The following DAB1 variants were observed in gnomAD, a reference collection of about 807,000 sequenced individuals.
DAB1 encodes DAB adaptor protein 1.
In DAB1, 15 loss-of-function variants were observed where a neutral mutation model predicts 64.6. The ratio of observed to expected loss-of-function variants is 0.23; its 90% CI spans 0.16 to 0.36. DAB1 has a LOEUF of 0.36. Among genes scored for constraint, DAB1 ranks in the 10% least tolerant of loss-of-function variants. The pLI is 1.00. For missense variants in DAB1, 596 were observed against 706.7 expected, an observed-to-expected ratio of 0.84 and a Z score of 1.78; for synonymous variants, 235 against 251.9, an observed-to-expected ratio of 0.93 and a Z score of 0.64.
intron 5 of DAB1, among the ~76,000 whole-genome samples, chr1:57,917,091 G>A (rs753837769): frequency 6.6e-6 from 1 of 152,142 alleles, no homozygotes; most frequent in Non-Finnish European, 1.5e-5. Flanking sequence ...GTTGTACCTA[G>A]AAGGAATGGC....
chr1:58,235,130 T>A (rs1470592601), intron 4 of DAB1, among the ~76,000 whole-genome samples: 1 of 152,228 alleles, frequency 6.6e-6, no homozygotes, highest in African/African-American at 2.4e-5. Context: ...GTTAGGTAGC[T>A]CATTAGAAAT....
intron 6 of DAB1, among the ~76,000 whole-genome samples, chr1:57,666,776 G>T (rs1176857765): frequency 6.6e-6 from 1 of 151,624 alleles, no homozygotes; most frequent in Admixed American, 6.6e-5. Context: ...AGCGTGCTTA[G>T]CAGTTTCCTG....
chr1:58,272,515 G>A (rs12099411), intron 4 of DAB1, among the ~76,000 whole-genome samples: 77,731 of 118,216 alleles, frequency 0.66, 26,796 homozygotes, highest in East Asian at 0.86. Context: ...ATTTGGGGTG[G>A]AGAGTTCTGT....
chr1:57,192,884 T>C (rs941793175), intron 2 of DAB1, among the ~76,000 whole-genome samples: 5 of 152,200 alleles, frequency 3.3e-5, no homozygotes, highest in African/African-American at 9.7e-5. Context: ...ACAACCACCA[T>C]TGCAATCTAA....
At chr1:58,164,639 GAT>G (rs1288109460) in intron 4 of DAB1, among the ~76,000 whole-genome samples, 1 of 152,306 alleles carries the variant, frequency 6.6e-6, no homozygotes, top group East Asian at 1.9e-4. Flanking sequence ...ATGCACACAT[GAT>G]AACACATTAC....
chr1:57,370,845 T>C (rs1199373812), intron 1 of DAB1, among the ~76,000 whole-genome samples: 1 of 152,238 alleles, frequency 6.6e-6, no homozygotes, highest in Non-Finnish European at 1.5e-5. Context: ...ACAATTGTAG[T>C]GGTCAAAGCC....
At chr1:57,828,466 T>C (rs1441279677) in intron 1 of DAB1, among the ~76,000 whole-genome samples, 1 of 152,184 alleles carries the variant, frequency 6.6e-6, no homozygotes, top group African/African-American at 2.4e-5. Context: ...GCTTTCATTG[T>C]TTTTTCTTTG....
chr1:57,033,302 A>T (rs1570552132), intron 9 of DAB1: 12 of 1,437,892 alleles, frequency 8.3e-6, no homozygotes, highest in Non-Finnish European at 1.2e-5. Context: ...GAAATCTGCC[A>T]TTCATGCAAG....
At chr1:57,134,470 C>T (rs1657905178) in intron 4 of DAB1, among the ~76,000 whole-genome samples, 1 of 124,280 alleles carries the variant, frequency 8.0e-6, no homozygotes, top group African/African-American at 3.0e-5. Context: ...CACCTGTAAT[C>T]CCAGCTTCTT....
rs569008773 is a variant in DAB1 at position 57,960,138 on chromosome 1, T to C, written n.388-75976A>G. Among the ~76,000 whole-genome samples the C allele has an allele frequency of 1.8e-3, 280 of 152,186 alleles. 1 individual carries two copies. Among genetic ancestry groups the C allele is most frequent in the African/African-American group, 6.5e-3 (268 of 41,518 alleles). On this transcript the variant is annotated intron_variant and non_coding_transcript_variant, in intron 5 of 20. Coordinates refer to the DAB1 transcript ENST00000485760. The stretch of plus-strand genomic sequence containing the variant: ...TGTGGGAGAGGAGGGAGAGATGGTG[T>C]TGTCTGGCACGGGAAGCCCAGGCCG...
Position 58,354,698 on chromosome 1 carries a change from A to G in DAB1, n.258-11295T>C, listed in dbSNP as rs141515740. ...GGGAGGAGGGGAAGTCTGTCAAACAATCACAGAGGATAAGAATCCAGGAAG... is the reference window on the plus strand; with the variant it reads ...GGGAGGAGGGGAAGTCTGTCAAACAGTCACAGAGGATAAGAATCCAGGAAG... On this transcript the variant is annotated intron_variant and non_coding_transcript_variant, in intron 3 of 20. Transcript: ENST00000485760. Among the ~76,000 whole-genome samples the G allele has an allele frequency of 7.0e-3, 1,063 of 152,274 alleles. 11 individuals carry two copies. Among genetic ancestry groups the G allele is most frequent in the African/African-American group, 0.025 (1,024 of 41,560 alleles).
At chr1:58,277,833 G>T (rs1661486325) in intron 4 of DAB1, among the ~76,000 whole-genome samples, 1 of 152,178 alleles carries the variant, frequency 6.6e-6, no homozygotes, top group Non-Finnish European at 1.5e-5. Flanking sequence ...AGCCGCCAGA[G>T]CAGTTTATTC....
chr1:58,431,205 C>G (rs1033077092), intron 3 of DAB1, among the ~76,000 whole-genome samples: 1 of 151,850 alleles, frequency 6.6e-6, no homozygotes, highest in African/African-American at 2.4e-5. Context: ...AATCATGCTC[C>G]TAAAAAAAGA....
At chr1:57,590,780 A>ACACACACC (rs1192310039) in intron 7 of DAB1, among the ~76,000 whole-genome samples, 1 of 138,216 alleles carries the variant, frequency 7.2e-6, no homozygotes, top group Non-Finnish European at 1.6e-5. Flanking sequence ...ACACACACAC[A>ACACACACC]CACCCCACTC....
intron 6 of DAB1, among the ~76,000 whole-genome samples, chr1:57,784,141 G>A (rs1650232990): frequency 6.6e-6 from 1 of 152,088 alleles, no homozygotes; most frequent in Non-Finnish European, 1.5e-5. Context: ...CTAGCAATTT[G>A]GGAGCTTGAG....
chr1:57,980,247 C>G (rs1646030681), intron 5 of DAB1, among the ~76,000 whole-genome samples: 1 of 150,564 alleles, frequency 6.6e-6, no homozygotes, highest in Non-Finnish European at 1.5e-5. Context: ...CCTATTGTCC[C>G]CAGAATCAGC....
At chr1:57,542,587 A>G (rs1175768871) in intron 7 of DAB1, among the ~76,000 whole-genome samples, 1 of 151,814 alleles carries the variant, frequency 6.6e-6, no homozygotes, top group Non-Finnish European at 1.5e-5. Context: ...CTGGAAAACT[A>G]CATGGGAGTC....
chr1:58,178,220 T>C (rs1432271233), intron 4 of DAB1, among the ~76,000 whole-genome samples: 3 of 152,164 alleles, frequency 2.0e-5, no homozygotes, highest in African/African-American at 7.2e-5. Flanking sequence ...TTTGCCTGTA[T>C]CTGCTCCTCC....
intron 4 of DAB1, among the ~76,000 whole-genome samples, chr1:58,237,702 T>G (rs1660107244): frequency 6.6e-6 from 1 of 152,192 alleles, no homozygotes; most frequent in African/African-American, 2.4e-5. Context: ...TGATAGTGAC[T>G]TCTATCAATT....
Sources: allele counts gnomAD v4.1 joint callset (sites outside exome capture counted in the v4.1 genomes callset), GRCh38; gene constraint gnomAD v4.1.1; transcripts MANE v1.5; gene names NCBI Gene and HGNC (gene_info 2026-07-23, HGNC 2026-07-21).